APBA2: variants seen among roughly 807,000 people sequenced by gnomAD.
The protein encoded by APBA2 is amyloid beta precursor protein binding family A member 2.
APBA2 carries 30 observed loss-of-function variants against 75.0 expected under a neutral mutation model. That is an observed-to-expected ratio of 0.40 (90% CI 0.30 to 0.54). The LOEUF is 0.54. Ranked by LOEUF, APBA2 falls within the 20% of genes least tolerant of loss-of-function variation. The pLI is 0.49. For synonymous variants in APBA2, 444 were observed against 409.6 expected, an observed-to-expected ratio of 1.08 and a Z score of -1.01; for missense variants, 801 against 1,016.1, an observed-to-expected ratio of 0.79 and a Z score of 2.88.
intron 3 of APBA2, among the ~76,000 whole-genome samples, chr15:29,005,246 A>G (rs535686624): frequency 4.6e-5 from 7 of 152,082 alleles, no homozygotes; most frequent in African/African-American, 1.7e-4. Context: ...TATCTGGACA[A>G]TGGGAATAAT....
intron 3 of APBA2, among the ~76,000 whole-genome samples, chr15:29,039,714 G>C (rs997814038): frequency 6.6e-6 from 1 of 152,184 alleles, no homozygotes; most frequent in African/African-American, 2.4e-5. Context: ...GAACGCTGAT[G>C]GGCAGTGTCT....
chr15:29,064,378 C>T (rs1323730539), intron 4 of APBA2, among the ~76,000 whole-genome samples: 1 of 152,202 alleles, frequency 6.6e-6, no homozygotes, highest in Non-Finnish European at 1.5e-5. Flanking sequence ...GCACCTGCCA[C>T]GTGGTTGGCA....
intron 1 of APBA2, among the ~76,000 whole-genome samples, chr15:28,902,841 C>G (rs144583617): frequency 0.91 from 138,184 of 152,272 alleles, 62,863 homozygotes; most frequent in African/African-American, 0.95. Context: ...AGGACCCTCA[C>G]CTTTGTCATC....
At chr15:28,986,655 CG>C (rs1200109488) in intron 2 of APBA2, among the ~76,000 whole-genome samples, 20 of 151,982 alleles carry the variant, frequency 1.3e-4, no homozygotes, top group African/African-American at 3.6e-4. Flanking sequence ...TTAGTAGAGA[CG>C]GGGTTTCACC....
intron 2 of APBA2, among the ~76,000 whole-genome samples, chr15:28,984,429 G>C (rs2037787941): frequency 6.6e-6 from 1 of 152,068 alleles, no homozygotes; most frequent in South Asian, 2.1e-4. Context: ...ACAGAACCTA[G>C]GCTTAGCCAC....
chr15:29,034,847 T>C (rs1473122556), intron 3 of APBA2, among the ~76,000 whole-genome samples: 1 of 152,186 alleles, frequency 6.6e-6, no homozygotes, highest in Non-Finnish European at 1.5e-5. Flanking sequence ...AGTTCCCAGG[T>C]GACACTGATG....
At position 29,003,714 on chromosome 15, in the gene APBA2, A is replaced by G. The variant is rs1595703075; in HGVS notation, c.-41+7908A>G. Among the ~76,000 whole-genome samples the G allele has an allele frequency of 2.0e-5, 3 of 152,344 alleles. No homozygotes were observed. In the South Asian group the frequency reaches 6.2e-4, roughly 32 times the overall value. On this transcript the variant is annotated intron_variant, in intron 3 of 14. Coordinates refer to ENST00000683413, the MANE Select transcript of APBA2 (RefSeq NM_001353788.2). ...AAGCCTGAAGCCCGCAGGGCAGGCC[A>G]TGGGGAAGGGCAGGCTGGAACTCCC...
chr15:29,042,167 C>T (rs975606347), intron 3 of APBA2, among the ~76,000 whole-genome samples: 13 of 152,204 alleles, frequency 8.5e-5, no homozygotes, highest in Non-Finnish European at 1.9e-4. Flanking sequence ...GTGTGACTGT[C>T]TCCACAATTC....
Position 29,069,696 on chromosome 15 carries a change from C to T in APBA2, c.952-5225C>T, listed in dbSNP as rs575762665. On this transcript the variant is annotated intron_variant, in intron 4 of 14. Transcript: ENST00000683413. ...GTCTCCACATTGGAAGGTGAGCTGT[C>T]CTAGGTCAGGGTCTTTGTTGCATGC... Among the ~76,000 whole-genome samples, 6 of 152,294 alleles carry T rather than the reference C, an allele frequency of 3.9e-5. No homozygotes were observed. In the East Asian group the frequency reaches 9.7e-4, roughly 25 times the overall value.
At chr15:28,946,324 C>T (rs1187592306) in intron 2 of APBA2, among the ~76,000 whole-genome samples, 1 of 152,176 alleles carries the variant, frequency 6.6e-6, no homozygotes, top group African/African-American at 2.4e-5. Context: ...TCATGGTGAC[C>T]CTTATAAGAA....
chr15:29,005,242 G>T (rs779406148), intron 3 of APBA2, among the ~76,000 whole-genome samples: 1 of 152,096 alleles, frequency 6.6e-6, no homozygotes, highest in African/African-American at 2.4e-5. Flanking sequence ...TCCTTATCTG[G>T]ACAATGGGAA....
In APBA2 at chr15:28,918,034, C is replaced by T. The variant is rs753616266; in HGVS notation, c.-204-3606C>T. ...TGCCACTGTGGGGCAAGGAAGCTGCCCCCAGTCGGTCCCCGAGGATTCTGC... is the reference window on the plus strand; with the variant it reads ...TGCCACTGTGGGGCAAGGAAGCTGCTCCCAGTCGGTCCCCGAGGATTCTGC... On this transcript the variant is annotated intron_variant, in intron 1 of 14. Transcript: ENST00000683413. The surrounding 1 kb of genome is among the most constrained non-coding windows in gnomAD (Gnocchi z 4.2). 5.3e-5 allele frequency among the ~76,000 whole-genome samples: 8 copies of T among 152,220 alleles called. No individual in the cohort carries two copies. Among genetic ancestry groups the T allele is most frequent in the Non-Finnish European group, 1.2e-4 (8 of 68,034 alleles).
At chr15:29,097,866 A>G (rs2152957661) in intron 8 of APBA2, among the ~76,000 whole-genome samples, 1 of 152,186 alleles carries the variant, frequency 6.6e-6, no homozygotes, top group South Asian at 2.1e-4. Flanking sequence ...CTTCTGTGAG[A>G]TCGACATTTG....
intron 6 of APBA2, among the ~76,000 whole-genome samples, chr15:29,092,251 C>G (rs544250851): frequency 5.3e-5 from 8 of 152,298 alleles, no homozygotes; most frequent in African/African-American, 1.7e-4. Flanking sequence ...GAAAGGTTTG[C>G]CCACCCCTAG....
chr15:28,988,037 A>T (rs1029916295), intron 2 of APBA2, among the ~76,000 whole-genome samples: 7 of 151,242 alleles, frequency 4.6e-5, no homozygotes, highest in Non-Finnish European at 2.9e-5. Context: ...GATTACAGGC[A>T]TGAGCCACCA....
At chr15:29,114,135 C>G in intron 14 of APBA2, 119 bp downstream of exon 14, 1 of 1,437,666 alleles carries the variant, frequency 7.0e-7, no homozygotes, top group Non-Finnish European at 9.7e-7. Context: ...CAGGCTGTGT[C>G]TCCCATCGGG....
chr15:28,946,697 A>G (rs2035569699), intron 2 of APBA2, among the ~76,000 whole-genome samples: 1 of 151,902 alleles, frequency 6.6e-6, no homozygotes, highest in Non-Finnish European at 1.5e-5. Flanking sequence ...TCGTGCCTCA[A>G]CCACCCATGT....
At chr15:28,937,848 G>A (rs1029127435) in intron 2 of APBA2, among the ~76,000 whole-genome samples, 1 of 152,030 alleles carries the variant, frequency 6.6e-6, no homozygotes, top group African/African-American at 2.4e-5. Context: ...TGGTAGAGAC[G>A]GGGTTTGACC....
In APBA2 at chr15:28,972,937, G is replaced by A. The variant is rs377065675; in HGVS notation, c.-94-22816G>A. ...TTTCCTATTACAATTGCATTTTAATGCTATGTGTAAACCTCAAATTAGCAT... is the reference window on the plus strand; with the variant it reads ...TTTCCTATTACAATTGCATTTTAATACTATGTGTAAACCTCAAATTAGCAT... On this transcript the variant is annotated intron_variant, in intron 2 of 14. Transcript: ENST00000683413. 1.5e-3 allele frequency among the ~76,000 whole-genome samples: 221 copies of A among 152,308 alleles called. 1 individual carries two copies. Among genetic ancestry groups the A allele is most frequent in the African/African-American group, 5.2e-3 (215 of 41,566 alleles).
Sources: gnomAD v4.1 joint callset for allele counts (sites outside exome capture counted in the v4.1 genomes callset) on GRCh38, gnomAD v4.1.1 for gene constraint, Gnocchi (gnomAD v3.1) non-coding constraint, MANE v1.5 for transcripts, NCBI Gene and HGNC (gene_info 2026-07-23, HGNC 2026-07-21) for gene names.